Variants in PSD3 observed in about 807,000 individuals in gnomAD.
The protein encoded by PSD3 is PH and SEC7 domain-containing protein 3.
Under a neutral mutation model 105.5 loss-of-function variants are expected in PSD3, and 49 were observed. That is an observed-to-expected ratio of 0.46 (90% CI 0.37 to 0.59). PSD3 has a LOEUF of 0.59. PSD3 is among the 20% of genes least tolerant of loss of function. The probability of loss-of-function intolerance (pLI) is 0.00; values close to 1 mark genes in which losing one functional copy is unlikely to be tolerated. For synonymous variants in PSD3, 557 were observed against 457.8 expected (o/e 1.22, Z -2.77); for missense variants, 1,561 against 1,263.8 (o/e 1.24, Z -3.57).
intron 11 of PSD3, among the ~76,000 whole-genome samples, chr8:18,607,988 T>G (rs1165960211): frequency 3.3e-5 from 5 of 152,132 alleles, no homozygotes; most frequent in African/African-American, 4.8e-5. Context: ...ATGAGAGTAA[T>G]GGCCCCCAAC....
At chr8:18,936,757 CAAA>C (rs200767893) in intron 1 of PSD3, among the ~76,000 whole-genome samples, 4 of 125,668 alleles carry the variant, frequency 3.2e-5, no homozygotes, top group Admixed American at 8.2e-5. Flanking sequence ...GACTCCATCT[CAAA>C]AAAAAAAAAA....
At chr8:18,720,614 A>T (rs1802904502) in intron 9 of PSD3, among the ~76,000 whole-genome samples, 1 of 152,224 alleles carries the variant, frequency 6.6e-6, no homozygotes, top group African/African-American at 2.4e-5. Context: ...ATTGATTCTT[A>T]CAGAAGTACA....
At chr8:18,594,955 A>C (rs1186867432) in intron 12 of PSD3, among the ~76,000 whole-genome samples, 1 of 152,080 alleles carries the variant, frequency 6.6e-6, no homozygotes, top group East Asian at 1.9e-4. Flanking sequence ...ACTGATATGC[A>C]GTGCTGAGCA....
intron 2 of PSD3, among the ~76,000 whole-genome samples, chr8:18,877,645 G>A (rs1563376691): frequency 1.3e-5 from 2 of 150,840 alleles, no homozygotes; most frequent in African/African-American, 2.4e-5. Context: ...GGACTCAAGC[G>A]ATCCTCCCAC....
In PSD3 at chr8:18,976,298, A is replaced by C. The variant is rs552163755; in HGVS notation, c.21+37265T>G. 2.0e-5 allele frequency among the ~76,000 whole-genome samples: 3 copies of C among 152,352 alleles called. No homozygotes were observed. The East Asian group carries it at 5.8e-4, about 29-fold the overall frequency. ...AAATACAAATGCCCAATAAAGATAC[A>C]TTGTATAACCTTATTATTAAATAAA... On this transcript the variant is annotated intron_variant, in intron 1 of 15. Transcript: ENST00000327040.
At chr8:18,543,567 T>G (rs1800271722) in intron 15 of PSD3, among the ~76,000 whole-genome samples, 1 of 151,342 alleles carries the variant, frequency 6.6e-6, no homozygotes, top group Admixed American at 6.6e-5. Flanking sequence ...GTAGTGAGCT[T>G]AGATCACGCC....
chr8:18,620,654 G>C (rs910384431), intron 11 of PSD3, among the ~76,000 whole-genome samples: 1 of 152,132 alleles, frequency 6.6e-6, no homozygotes, highest in African/African-American at 2.4e-5. Context: ...AGGTTGCAGT[G>C]AGCCCAGATC....
chr8:18,565,832 T>C (rs142483328), intron 14 of PSD3, among the ~76,000 whole-genome samples: 4 of 152,146 alleles, frequency 2.6e-5, no homozygotes, highest in East Asian at 3.9e-4. Context: ...CAGAAGATAT[T>C]TGGCAATGTC....
intron 11 of PSD3, among the ~76,000 whole-genome samples, chr8:18,623,645 GA>G (rs34586066): frequency 0.026 from 2,665 of 101,352 alleles, 41 homozygotes; most frequent in Middle Eastern, 0.075. Context: ...CTCCATCTCA[GA>G]AAAAAAAAAA....
rs377054605 is a variant in PSD3 at position 18,799,446 on chromosome 8, G to A, written c.2024-93C>T. 7.4e-5 allele frequency: 74 copies of A among 997,528 alleles called. No homozygotes were observed. The African/African-American group carries it at 1.1e-3, about 15-fold the overall frequency. The allele number at this position is 997,528 out of a possible 1,614,324, so 61.8% of individuals were successfully genotyped here. On this transcript the variant is annotated intron_variant, in intron 7 of 15. Coordinates refer to ENST00000327040, the MANE Select transcript of PSD3 (RefSeq NM_015310.4). ...CTAATAGGATACACTCAGAACCTAT[G>A]AAAACAGTACTGTGCTAGGTACAAT...
At chr8:18,861,708 A>G (rs142404010) in intron 4 of PSD3, among the ~76,000 whole-genome samples, 22 of 152,106 alleles carry the variant, frequency 1.4e-4, no homozygotes, top group African/African-American at 5.1e-4. Flanking sequence ...TTTCTTATCT[A>G]TTTTCTTATT....
intron 15 of PSD3, among the ~76,000 whole-genome samples, chr8:18,547,750 G>T (rs187664955): frequency 1.3e-5 from 2 of 152,262 alleles, no homozygotes; most frequent in Admixed American, 1.3e-4. Context: ...TTGACAGTTT[G>T]ATTATAATAT....
intron 1 of PSD3, among the ~76,000 whole-genome samples, chr8:19,052,826 C>T (rs890070417): frequency 6.6e-6 from 1 of 151,932 alleles, no homozygotes; most frequent in African/African-American, 2.4e-5. Context: ...ACTTGAAAAT[C>T]AGGCACACTG....
intron 9 of PSD3, among the ~76,000 whole-genome samples, chr8:18,691,986 T>C (rs1159567684): frequency 6.6e-6 from 1 of 152,268 alleles, no homozygotes; most frequent in Non-Finnish European, 1.5e-5. Flanking sequence ...CATTTCATTT[T>C]TCATTTCTTT....
intron 9 of PSD3, among the ~76,000 whole-genome samples, chr8:18,719,389 A>G (rs929500172): frequency 2.6e-5 from 4 of 152,350 alleles, no homozygotes; most frequent in Non-Finnish European, 4.4e-5. Context: ...AGAACTCCAG[A>G]GAAAAAGAAT....
intron 8 of PSD3, among the ~76,000 whole-genome samples, chr8:18,791,876 G>C (rs1200321175): frequency 6.6e-6 from 1 of 151,928 alleles, no homozygotes; most frequent in African/African-American, 2.4e-5. Flanking sequence ...AAATGTATAA[G>C]GAAAAAACAA....
chr8:18,790,967 G>T (rs335253), intron 8 of PSD3, among the ~76,000 whole-genome samples: 8,803 of 152,172 alleles, frequency 0.058, 307 homozygotes, highest in African/African-American at 0.082. Context: ...ATGAACTCCC[G>T]TTTATAACTG....
Position 18,556,277 on chromosome 8 carries a change from G to C in PSD3, c.2860C>G (p.Pro954Ala). Residue 954 changes from proline (P) to alanine (A), a missense_variant, in exon 15 of 16, where the codon CCC (proline) becomes GCC (alanine). By Grantham distance (27) the Pro-to-Ala change is conservative. Coordinates refer to ENST00000327040, the MANE Select transcript of PSD3 (RefSeq NM_015310.4). ...TCCTTGGCTTTGACCTTCTTGTCGG[G>C]GGGATATGAGCGGTGCTCGGCCAGC... ...TELAEHRSYP[P>A]DKKVKAKDVD... is the part of the protein sequence containing the mutation. 1.2e-6 allele frequency: 2 copies of C among 1,614,064 alleles called. No individual in the cohort carries two copies. The highest frequency in any genetic ancestry group is 1.7e-6 in the Non-Finnish European group (2 of 1,179,986).
intron 2 of PSD3, among the ~76,000 whole-genome samples, chr8:18,918,228 C>T (rs1405693084): frequency 1.3e-5 from 2 of 152,232 alleles, no homozygotes; most frequent in African/African-American, 4.8e-5. Flanking sequence ...GTCTGCACAA[C>T]ACCACAGCTT....
Sources: gnomAD v4.1 joint callset for allele counts (sites outside exome capture counted in the v4.1 genomes callset) on GRCh38, gnomAD v4.1.1 for gene constraint, MANE v1.5 for transcripts, NCBI Gene and HGNC (gene_info 2026-07-23, HGNC 2026-07-21) for gene names.